The following NDUFB9 variants were observed in gnomAD, a reference collection of about 807,000 sequenced individuals.
NDUFB9 encodes the protein NADH dehydrogenase [ubiquinone] 1 beta subcomplex subunit 9.
Under a neutral mutation model 30.2 loss-of-function variants are expected in NDUFB9, and 24 were observed. The observed-to-expected ratio is 0.80, with a 90% CI of 0.58 to 1.12. The LOEUF is 1.12. Among genes scored for constraint, NDUFB9 ranks in the 50% most tolerant of loss-of-function variants. The pLI, the probability that NDUFB9 is intolerant of heterozygous loss-of-function variation, is 0.00. For missense variants in NDUFB9, 204 were observed against 226.0 expected, an observed-to-expected ratio of 0.90 and a Z score of 0.62; for synonymous variants, 80 against 84.0, an observed-to-expected ratio of 0.95 and a Z score of 0.26.
chr8:124,547,989 G>GAA (rs111867941), intron 3 of NDUFB9, among the ~76,000 whole-genome samples: 1 of 147,366 alleles, frequency 6.8e-6, no homozygotes, highest in East Asian at 2.0e-4. Flanking sequence ...CATCCCAAAA[G>GAA]AAAAAAAAAA....
rs1354048421 is a variant in NDUFB9, at chr8:124,539,531, G to C, written c.101+244G>C. On this transcript the variant is annotated intron_variant, in intron 1 of 3. Coordinates refer to ENST00000276689, the MANE Select transcript of NDUFB9 (RefSeq NM_005005.3). ...TTTTTGTTTAGTAAAACGGACGCAC[G>C]ACCAGCGCAGAGGGTCGCAGGAAAA... is the stretch of plus-strand genomic sequence containing the variant. The C allele has an allele frequency of 4.6e-5, 25 of 540,124 alleles. No homozygotes were observed. In the East Asian group the frequency reaches 8.1e-4, roughly 18 times the overall value. 33.5% of individuals were successfully genotyped at this position (540,124 alleles called of 1,614,324 possible). A position where few individuals can be genotyped will look rare whatever the true frequency, so the allele number is the denominator to read the frequency against.
rs770697169 is a variant in NDUFB9 at position 124,543,121 on chromosome 8, G to T, written c.136G>T (p.Ala46Ser). Reference sequence around the variant, plus strand: ...CCGATACTTTGCTTGTTTGATGAGAGCCCGGTTTGAAGAACATAAGAATGA... The same window carrying T: ...CCGATACTTTGCTTGTTTGATGAGATCCCGGTTTGAAGAACATAAGAATGA... Reference protein sequence around the residue: ...KYRYFACLMRARFEEHKNEKD... With the variant: ...KYRYFACLMRSRFEEHKNEKD... The change falls in exon 2 of 4, where the codon GCC (alanine) becomes TCC (serine). Residue 46 changes from alanine to serine, a missense_variant. By Grantham distance (99) the Ala-to-Ser change is moderately conservative. Transcript: ENST00000276689. 6.8e-6 allele frequency: 11 copies of T among 1,614,184 alleles called. No homozygotes were observed. Among genetic ancestry groups the T allele is most frequent in the Non-Finnish European group, 8.5e-6 (10 of 1,180,030 alleles).
In NDUFB9 at chr8:124,544,949, C is replaced by T. The variant is rs146805742; in HGVS notation, c.294+1670C>T. 2.7e-3 allele frequency among the ~76,000 whole-genome samples: 406 copies of T among 152,192 alleles called. 1 individual carries two copies. The highest frequency in any genetic ancestry group is 9.1e-3 in the African/African-American group (376 of 41,504). On this transcript the variant is annotated intron_variant, in intron 2 of 3. Coordinates refer to ENST00000276689, the MANE Select transcript of NDUFB9 (RefSeq NM_005005.3). Reference sequence around the variant, plus strand: ...GAAGAGATCAAAATATCAGCTTTAACGGGGTTGGAAGAAGTTGATTCCAAC... The same window carrying T: ...GAAGAGATCAAAATATCAGCTTTAATGGGGTTGGAAGAAGTTGATTCCAAC...
intron 3 of NDUFB9, 34 bp downstream of exon 3, chr8:124,547,147 T>C: frequency 1.3e-6 from 2 of 1,528,530 alleles, no homozygotes; most frequent in Non-Finnish European, 1.8e-6. Context: ...ATTCCTTAGC[T>C]ATGTAGATGG....
rs1586713824 is a variant in NDUFB9, at chr8:124,543,275, A to G, written c.290A>G (p.Tyr97Cys). The G allele has an allele frequency of 2.1e-5, 34 of 1,613,304 alleles. No homozygotes were observed. The highest frequency in any genetic ancestry group is 2.7e-5 in the Non-Finnish European group (32 of 1,179,264). The change falls in exon 2 of 4, where the codon TAC becomes TGC. Residue 97 changes from tyrosine to cysteine, a missense_variant. Transcript: ENST00000276689. ...GGTSYERYDCYKVPEWCLDDW... is the reference protein window; with the variant it reads ...GGTSYERYDCCKVPEWCLDDW... ...ACCTCCTATGAGAGATACGATTGCT[A>G]CAAGGTAGGTGAGAATTATGATGAC...
chr8:124,547,103 G>A lies in NDUFB9; in HGVS notation c.398G>A (p.Trp133Ter), dbSNP rs1822180669. The change falls in exon 3 of 4, where the codon TGG (tryptophan) becomes TAG (stop). Residue 133 changes from tryptophan to a stop codon, truncating the protein, a stop_gained. Transcript: ENST00000276689. LOFTEE classifies it high-confidence loss of function. ...TGGAAGAAACTGCGGAGGGAAAGCT[G>A]GGAACGAGAGGTGCGTTCTACTTGT... ...EQWKKLRRES[W>*]EREVKQLQEE... The A allele has an allele frequency of 6.2e-7, 1 of 1,611,928 alleles. No homozygotes were observed.
rs570466333 is a variant in NDUFB9, at chr8:124,547,392, C to T, written c.408+279C>T. ...CTTTTTTGCCTTCTTGCTATACTTT[C>T]CCTCAACCTGCCTCTCCACTATTTT... is the stretch of plus-strand genomic sequence containing the variant. On this transcript the variant is annotated intron_variant, in intron 3 of 3. Coordinates refer to ENST00000276689, the MANE Select transcript of NDUFB9 (RefSeq NM_005005.3). 112 of 603,652 alleles carry T rather than the reference C, an allele frequency of 1.9e-4. 2 individuals are homozygous for T. In the South Asian group the frequency reaches 2.2e-3, roughly 12 times the overall value. 37.4% of individuals were successfully genotyped at this position (603,652 alleles called of 1,614,324 possible).
rs200711009 is a variant in NDUFB9 at position 124,539,315 on chromosome 8, G to A, written c.101+28G>A. The stretch of plus-strand genomic sequence containing the variant: ...AAGGGATGGGGACCCAGGACTCGGG[G>A]AGGTGACCCTCGGGGCCCCATGGAG... On this transcript the variant is annotated intron_variant, in intron 1 of 3. Coordinates refer to ENST00000276689, the MANE Select transcript of NDUFB9 (RefSeq NM_005005.3). 109 of 1,611,862 alleles carry A rather than the reference G, an allele frequency of 6.8e-5. No individual in the cohort carries two copies. The African/African-American group carries it at 1.3e-3, about 20-fold the overall frequency.
chr8:124,547,428 T>C (rs1822190100), intron 3 of NDUFB9: 2 of 600,610 alleles, frequency 3.3e-6, no homozygotes, highest in East Asian at 5.5e-5. Context: ...CTTAGGCATT[T>C]TTCAGTCATG....
At chr8:124,547,509 G>A in intron 3 of NDUFB9, 1 of 507,856 alleles carries the variant, frequency 2.0e-6, no homozygotes, top group Non-Finnish European at 3.5e-6. Flanking sequence ...GAGAGGGGAA[G>A]AGGAGAAGCA....
At position 124,547,201 on chromosome 8, in the gene NDUFB9, A is replaced by G. The variant is rs191438635; in HGVS notation, c.408+88A>G. The G allele has an allele frequency of 1.6e-4, 157 of 961,326 alleles. 2 individuals are homozygous for G. The East Asian group carries it at 3.5e-3, about 21-fold the overall frequency. 59.5% of individuals were successfully genotyped at this position (961,326 alleles called of 1,614,324 possible). A position where few individuals can be genotyped will look rare whatever the true frequency, so the allele number is the denominator to read the frequency against. ...ACAAGCAGAGGTCCAGATTCCAGCC[A>G]TGACAGTTACTCTGGGCCCTTGCTT... On this transcript the variant is annotated intron_variant, in intron 3 of 3. Transcript: ENST00000276689.
chr8:124,541,709 T>C (rs945497842), intron 1 of NDUFB9, among the ~76,000 whole-genome samples: 2 of 152,098 alleles, frequency 1.3e-5, no homozygotes, highest in East Asian at 1.9e-4. Flanking sequence ...GTTCAAGCAA[T>C]TCTCCTGCCT....
chr8:124,539,411 C>T (rs971516590), intron 1 of NDUFB9, 124 bp downstream of exon 1: 2 of 848,132 alleles, frequency 2.4e-6, no homozygotes, highest in South Asian at 1.4e-5. Context: ...CCTCTCGCTT[C>T]ACAGAATCCT....
intron 1 of NDUFB9, among the ~76,000 whole-genome samples, chr8:124,541,924 T>TG (rs1008804411): frequency 2.8e-4 from 41 of 144,128 alleles, no homozygotes; most frequent in Admixed American, 4.9e-4. Context: ...TTGTTGTTGT[T>TG]TTTTTTTGAG....
chr8:124,539,276 G>T lies in NDUFB9; in HGVS notation c.90G>T (p.Trp30Cys), dbSNP rs1376173919. The T allele has an allele frequency of 6.2e-7, 1 of 1,614,078 alleles. No homozygotes were observed. Among genetic ancestry groups the T allele is most frequent in the African/African-American group, 1.3e-5 (1 of 74,938 alleles). ...GGGCGCTACGCCACCTCGAGTCGTG[G>T]TGCGTCCAGAGGTAAGGGATGGGGA... is the stretch of plus-strand genomic sequence containing the variant. The part of the protein sequence containing the change: ...YKRALRHLES[W>C]CVQRDKYRYF... Residue 30 changes from tryptophan to cysteine, a missense_variant, in exon 1 of 4, where the codon TGG becomes TGT. Trp to Cys is a radical substitution (Grantham distance 215). Coordinates refer to ENST00000276689, the MANE Select transcript of NDUFB9 (RefSeq NM_005005.3).
intron 1 of NDUFB9, among the ~76,000 whole-genome samples, chr8:124,539,655 AG>A (rs1296342792): frequency 6.6e-6 from 1 of 152,244 alleles, no homozygotes; most frequent in African/African-American, 2.4e-5. Flanking sequence ...CAATATTAAC[AG>A]CAATAAACTA....
intron 1 of NDUFB9, 138 bp downstream of exon 1, chr8:124,539,425 G>T: frequency 1.3e-6 from 1 of 761,668 alleles, no homozygotes; most frequent in South Asian, 1.5e-5. Context: ...GAATCCTATG[G>T]TAGACCCGGG....
chr8:124,549,596 A>T (rs1341216542), intron 3 of NDUFB9, among the ~76,000 whole-genome samples, 165 bp from the exon 4 acceptor site: 1 of 152,208 alleles, frequency 6.6e-6, no homozygotes, highest in Admixed American at 6.5e-5. Flanking sequence ...GTGGATATGA[A>T]AATAAAGCAG....
At chr8:124,544,560 C>T (rs1002433096) in intron 2 of NDUFB9, among the ~76,000 whole-genome samples, 15 of 152,302 alleles carry the variant, frequency 9.8e-5, no homozygotes, top group African/African-American at 3.6e-4. Flanking sequence ...TAAGTTGAAG[C>T]CATTGTTCAT....
Sources: gnomAD v4.1 joint callset for allele counts (sites outside exome capture counted in the v4.1 genomes callset) on GRCh38, gnomAD v4.1.1 for gene constraint, MANE v1.5 for transcripts, NCBI Gene and HGNC (gene_info 2026-07-23, HGNC 2026-07-21) for gene names.